Variants in TRIQK observed in about 807,000 individuals in gnomAD.
TRIQK encodes triple QxxK/R motif-containing protein.
Under a neutral mutation model 10.8 loss-of-function variants are expected in TRIQK, and 10 were observed. The ratio of observed to expected loss-of-function variants is 0.92; its 90% CI spans 0.57 to 1.57. The LOEUF is 1.57. Ranked by LOEUF, TRIQK falls within the 40% of genes most tolerant of loss-of-function variation. The pLI is 0.00. For missense variants in TRIQK, 107 were observed against 97.7 expected, an observed-to-expected ratio of 1.09 and a Z score of -0.40; for synonymous variants, 33 against 33.7, an observed-to-expected ratio of 0.98 and a Z score of 0.07.
At chr8:92,944,249 T>G (rs1778602656) in intron 2 of TRIQK, among the ~76,000 whole-genome samples, 1 of 150,542 alleles carries the variant, frequency 6.6e-6, no homozygotes, top group South Asian at 2.1e-4. Context: ...TCTTACACAC[T>G]GTCGTGGGAA....
chr8:92,983,681 C>T (rs1436694159), intron 1 of TRIQK, among the ~76,000 whole-genome samples: 1 of 151,994 alleles, frequency 6.6e-6, no homozygotes, highest in African/African-American at 2.4e-5. Flanking sequence ...AGAGGGGAGG[C>T]TTGCAGATGT....
chr8:92,961,903 CA>C (rs1239056018), intron 1 of TRIQK, among the ~76,000 whole-genome samples: 27 of 152,142 alleles, frequency 1.8e-4, no homozygotes, highest in African/African-American at 6.5e-4. Context: ...ATGTGACTGA[CA>C]AGAGTCTTTC....
At chr8:92,968,750 T>C (rs1224157920), upstream of TRIQK, among the ~76,000 whole-genome samples, 1 of 152,190 alleles carries the variant, frequency 6.6e-6, no homozygotes, top group African/African-American at 2.4e-5. Flanking sequence ...ATTCTGTAGG[T>C]TGCCTGTTTA....
In TRIQK at chr8:92,884,243, A is replaced by G. The variant is rs1816354098; in HGVS notation, c.*2379T>C. On this transcript the variant is annotated 3_prime_UTR_variant, in exon 5 of 5. Coordinates refer to ENST00000521988, the MANE Select transcript of TRIQK (RefSeq NM_001171797.2). ...TGGTCCCTTTAAAACAGCAGGCCGGATATCACCTTTCTGTCTTCAAAGATT... is the reference window on the plus strand; with the variant it reads ...TGGTCCCTTTAAAACAGCAGGCCGGGTATCACCTTTCTGTCTTCAAAGATT... 1 of 152,806 alleles carries G rather than the reference A, an allele frequency of 6.5e-6. No individual in the cohort carries two copies. The highest frequency in any genetic ancestry group is 2.0e-4 in the South Asian group (1 of 4,886). The allele number at this position is 152,806 out of a possible 1,614,324, so 9.5% of individuals were successfully genotyped here. A position where few individuals can be genotyped will look rare whatever the true frequency, so the allele number is the denominator to read the frequency against.
intron 4 of TRIQK, among the ~76,000 whole-genome samples, chr8:92,887,803 A>C (rs1336528782): frequency 6.6e-6 from 1 of 151,716 alleles, no homozygotes; most frequent in Non-Finnish European, 1.5e-5. Flanking sequence ...TTTTACATGA[A>C]TGTTGAATTT....
chr8:92,946,801 C>A (rs561235726), intron 2 of TRIQK, among the ~76,000 whole-genome samples: 3 of 150,406 alleles, frequency 2.0e-5, no homozygotes, highest in Non-Finnish European at 4.4e-5. Context: ...CGCTCTGTCG[C>A]CCAGGCTGGA....
intron 2 of TRIQK, among the ~76,000 whole-genome samples, chr8:92,944,631 T>C (rs1205101823): frequency 6.6e-6 from 1 of 152,234 alleles, no homozygotes; most frequent in South Asian, 2.1e-4. Flanking sequence ...TACAGCATGA[T>C]CTCACTTACA....
At chr8:92,966,919 T>C (rs1039362234), upstream of TRIQK, among the ~76,000 whole-genome samples, 1 of 141,462 alleles carries the variant, frequency 7.1e-6, no homozygotes, top group African/African-American at 2.7e-5. Flanking sequence ...AAAAGTCACC[T>C]TCCTCTAGGC....
At chr8:92,944,160 CT>C (rs1439202456) in intron 2 of TRIQK, among the ~76,000 whole-genome samples, 3 of 151,910 alleles carry the variant, frequency 2.0e-5, no homozygotes, top group Non-Finnish European at 2.9e-5. Flanking sequence ...AAGACAGCAC[CT>C]TACACCTGTT....
At position 92,933,300 on chromosome 8, in the gene TRIQK, A is replaced by C. The variant is rs1408729339; in HGVS notation, c.-21-16290T>G. Among the ~76,000 whole-genome samples, 3 of 152,202 alleles carry C rather than the reference A, an allele frequency of 2.0e-5. No homozygotes were observed. The South Asian group carries it at 6.2e-4, about 31-fold the overall frequency. The stretch of plus-strand genomic sequence containing the variant: ...TTTTTGTATAATATTTTACAAAACA[A>C]TTAATACCTAATATTTCTAAAATTT... On this transcript the variant is annotated intron_variant, in intron 2 of 4. Transcript: ENST00000521988.
chr8:92,947,183 C>A (rs1811581728), intron 2 of TRIQK, among the ~76,000 whole-genome samples: 1 of 152,070 alleles, frequency 6.6e-6, no homozygotes, highest in Non-Finnish European at 1.5e-5. Context: ...AGAGACTGGA[C>A]TTTTCTTTTA....
At chr8:92,960,496 G>C (rs1376328976) in intron 1 of TRIQK, 1 of 152,080 alleles carries the variant, frequency 6.6e-6, no homozygotes, top group Non-Finnish European at 1.5e-5. Flanking sequence ...CTACAAATAA[G>C]TTACCTTAGA....
intron 1 of TRIQK, chr8:92,960,829 C>T (rs1205196361): frequency 6.6e-6 from 1 of 152,172 alleles, no homozygotes; most frequent in Non-Finnish European, 1.5e-5. Flanking sequence ...ACTTCTGAAC[C>T]ACAGAACTGT....
At chr8:92,902,471 T>C (rs186724800) in intron 3 of TRIQK, among the ~76,000 whole-genome samples, 2 of 152,282 alleles carry the variant, frequency 1.3e-5, no homozygotes, top group African/African-American at 2.4e-5. Context: ...AAAGGGGTGG[T>C]ATAGGTGACT....
At chr8:92,986,051 G>C (rs1013498364) in intron 1 of TRIQK, among the ~76,000 whole-genome samples, 1 of 152,078 alleles carries the variant, frequency 6.6e-6, no homozygotes, top group African/African-American at 2.4e-5. Flanking sequence ...TACCAGAAAG[G>C]TGTTTGTGGC....
At chr8:92,940,174 G>A (rs1369421459) in intron 2 of TRIQK, among the ~76,000 whole-genome samples, 3 of 152,016 alleles carry the variant, frequency 2.0e-5, no homozygotes, top group African/African-American at 4.8e-5. Context: ...TGAATCACAG[G>A]CTAGACAAAA....
At chr8:92,887,518 G>C (rs539707097) in intron 4 of TRIQK, among the ~76,000 whole-genome samples, 155 of 151,158 alleles carry the variant, frequency 1.0e-3, no homozygotes, top group African/African-American at 3.4e-3. Context: ...ATCTCTGTGT[G>C]TATACCTTCC....
At chr8:92,944,363 A>G (rs916996154) in intron 2 of TRIQK, among the ~76,000 whole-genome samples, 1 of 152,068 alleles carries the variant, frequency 6.6e-6, no homozygotes, top group Admixed American at 6.6e-5. Context: ...TTGGATATAT[A>G]TTCAAAAACA....
Position 92,916,914 on chromosome 8 carries a change from T to C in TRIQK, c.61+15A>G. 1 of 1,448,628 alleles carries C rather than the reference T, an allele frequency of 6.9e-7. No homozygotes were observed. The highest frequency in any genetic ancestry group is 1.5e-5 in the African/African-American group (1 of 68,734). The allele number at this position is 1,448,628 out of a possible 1,614,324, so 89.7% of individuals were successfully genotyped here. Reference sequence around the variant, plus strand: ...TCAATTAATAGGAGTGTATCAAAGATAATTCATTGCTTACCAATTTGTTTT... The same window carrying C: ...TCAATTAATAGGAGTGTATCAAAGACAATTCATTGCTTACCAATTTGTTTT... On this transcript the variant is annotated intron_variant, in intron 3 of 4. Transcript: ENST00000521988.
Sources: gnomAD v4.1 joint callset for allele counts (sites outside exome capture counted in the v4.1 genomes callset) on GRCh38, gnomAD v4.1.1 for gene constraint, MANE v1.5 for transcripts, NCBI Gene and HGNC (gene_info 2026-07-23, HGNC 2026-07-21) for gene names.